RMDN1: variants seen among roughly 807,000 people sequenced by gnomAD.
The protein encoded by RMDN1 is regulator of microtubule dynamics protein 1.
Under a neutral mutation model 48.9 loss-of-function variants are expected in RMDN1, and 48 were observed. That is an observed-to-expected ratio of 0.98 (90% confidence interval 0.78 to 1.25). RMDN1 has a LOEUF of 1.25. RMDN1 is among the 50% of genes most tolerant of loss of function. The probability of loss-of-function intolerance (pLI) is 0.00; values close to 1 mark genes in which losing one functional copy is unlikely to be tolerated. For synonymous variants in RMDN1, 148 were observed against 132.6 expected (o/e 1.12, Z -0.80); for missense variants, 418 against 373.4 (o/e 1.12, Z -0.98).
chr8:86,512,243 G>A (rs1209168656), upstream of RMDN1, among the ~76,000 whole-genome samples: 2 of 152,154 alleles, frequency 1.3e-5, no homozygotes, highest in East Asian at 3.8e-4. Context: ...GGTTAGGTAT[G>A]GATACTATAT....
chr8:86,511,319 A>G (rs1447307059), upstream of RMDN1, among the ~76,000 whole-genome samples: 3 of 151,364 alleles, frequency 2.0e-5, no homozygotes, highest in African/African-American at 7.3e-5. Flanking sequence ...CTAAAAATAC[A>G]AAAAATTAGC....
At position 86,473,705 on chromosome 8, in the gene RMDN1, G is replaced by T; in HGVS notation, c.*603C>A. On this transcript the variant is annotated 3_prime_UTR_variant, in exon 10 of 10. Coordinates refer to ENST00000406452, the MANE Select transcript of RMDN1 (RefSeq NM_016033.3). ...CACTTGAACCCGGGAGGCGGAGGCT[G>T]CAGTGGGCCGAGATTGTGCCACTGC... 1 of 550,648 alleles carries T rather than the reference G, an allele frequency of 1.8e-6. No homozygotes were observed. Among genetic ancestry groups the T allele is most frequent in the Non-Finnish European group, 2.3e-6 (1 of 432,906 alleles). The allele number at this position is 550,648 out of a possible 1,614,324, so 34.1% of individuals were successfully genotyped here.
At chr8:86,489,245 G>A (rs915790295) in intron 2 of RMDN1, among the ~76,000 whole-genome samples, 3 of 152,138 alleles carry the variant, frequency 2.0e-5, no homozygotes, top group East Asian at 1.9e-4. Flanking sequence ...TTTAGATGAA[G>A]CTAACTACAC....
chr8:86,512,389 T>C (rs775907067), upstream of RMDN1, among the ~76,000 whole-genome samples: 4 of 152,238 alleles, frequency 2.6e-5, no homozygotes, highest in Non-Finnish European at 4.4e-5. Context: ...CCCAGTACAC[T>C]TCAGCAACAA....
chr8:86,472,353 G>C lies in RMDN1; in HGVS notation c.*1955C>G, dbSNP rs73273151. Reference sequence around the variant, plus strand: ...CATAACAGGTCACAGTCAAAATGCAGGTGCACAACACAGTTTATTCGGTCT... The same window carrying C: ...CATAACAGGTCACAGTCAAAATGCACGTGCACAACACAGTTTATTCGGTCT... On this transcript the variant is annotated 3_prime_UTR_variant, in exon 10 of 10. Coordinates refer to ENST00000406452, the MANE Select transcript of RMDN1 (RefSeq NM_016033.3). 0.038 allele frequency: 26,063 copies of C among 683,354 alleles called. 893 individuals carry two copies. Among genetic ancestry groups the C allele is most frequent in the African/African-American group, 0.12 (6,704 of 56,560 alleles). The allele number at this position is 683,354 out of a possible 1,614,324, so 42.3% of individuals were successfully genotyped here.
At position 86,502,928 on chromosome 8, in the gene RMDN1, G is replaced by A. The variant is rs1331695626; in HGVS notation, c.247+4067C>T. 5.3e-5 allele frequency among the ~76,000 whole-genome samples: 8 copies of A among 152,160 alleles called. No individual in the cohort carries two copies. The East Asian group carries it at 1.5e-3, about 29-fold the overall frequency. ...TAAGGGCTCTACAAAAATATAAACCGTTAATAAAGCATCACTGAGGCAGCT... is the reference window on the plus strand; with the variant it reads ...TAAGGGCTCTACAAAAATATAAACCATTAATAAAGCATCACTGAGGCAGCT... On this transcript the variant is annotated intron_variant, in intron 2 of 9. Transcript: ENST00000406452.
chr8:86,494,866 T>A, intron 2 of RMDN1: 1 of 375,982 alleles, frequency 2.7e-6, no homozygotes, highest in South Asian at 2.0e-5. Context: ...CCCAGCTACT[T>A]GGGAGGCTGA....
rs377525078 is a variant in RMDN1, at chr8:86,479,011, C to T, written c.642-1G>A. 11 of 1,610,246 alleles carry T rather than the reference C, an allele frequency of 6.8e-6. No individual in the cohort carries two copies. The highest frequency in any genetic ancestry group is 1.7e-5 in the Admixed American group (1 of 59,336). ...AGGCATTTCGGCAAATGTATAGCACCTACAGGGAAATAAAACAATTTTATA... is the reference window on the plus strand; with the variant it reads ...AGGCATTTCGGCAAATGTATAGCACTTACAGGGAAATAAAACAATTTTATA... On this transcript the variant is annotated splice_acceptor_variant, in intron 6 of 9. Transcript: ENST00000406452. LOFTEE classifies it high-confidence loss of function.
At chr8:86,468,367 G>A (rs921131260), downstream of RMDN1, 1 of 453,512 alleles carries the variant, frequency 2.2e-6, no homozygotes, top group Non-Finnish European at 4.4e-6. Context: ...AGATCTGCTT[G>A]GTTGAATAGA....
rs1816717293 is a variant in RMDN1, at chr8:86,492,696, TAATG to T, written c.248-4061_248-4058del. 2.0e-5 allele frequency among the ~76,000 whole-genome samples: 3 copies of T among 149,522 alleles called. No homozygotes were observed. In the South Asian group the frequency reaches 6.3e-4, roughly 31 times the overall value. On this transcript the variant is annotated intron_variant, in intron 2 of 9. Transcript: ENST00000406452. ...AATAATAATAATAATAATAAAGAGA[TAATG>T]AAACGTTCCCACAGGAGTGCTTCAG...
intron 2 of RMDN1, among the ~76,000 whole-genome samples, chr8:86,499,564 C>A (rs1817884322): frequency 6.6e-6 from 1 of 152,126 alleles, no homozygotes; most frequent in Admixed American, 6.6e-5. Flanking sequence ...GAAAAACATT[C>A]CATGCTCATG....
intron 1 of RMDN1, 151 bp from the exon 2 acceptor site, chr8:86,507,263 A>G: frequency 1.7e-6 from 1 of 571,602 alleles, no homozygotes; most frequent in Non-Finnish European, 3.2e-6. Context: ...ATCTTTAGTA[A>G]AACTATCTCA....
chr8:86,473,342 A>G lies in RMDN1; in HGVS notation c.*966T>C, dbSNP rs1812843358. ...GGCACTCCAGCCTCAAGTGAGTAGC[A>G]TAGTCCTGCCTATTTAAAAACATCT... On this transcript the variant is annotated 3_prime_UTR_variant, in exon 10 of 10. Coordinates refer to ENST00000406452, the MANE Select transcript of RMDN1 (RefSeq NM_016033.3). The G allele has an allele frequency of 2.0e-6, 2 of 985,356 alleles. No homozygotes were observed. Among genetic ancestry groups the G allele is most frequent in the South Asian group, 4.7e-5 (1 of 21,296 alleles). The allele number at this position is 985,356 out of a possible 1,614,324, so 61.0% of individuals were successfully genotyped here. A position where few individuals can be genotyped will look rare whatever the true frequency, so the allele number is the denominator to read the frequency against.
At position 86,494,833 on chromosome 8, in the gene RMDN1, G is replaced by A. The variant is rs1817063033; in HGVS notation, c.248-6194C>T. On this transcript the variant is annotated intron_variant, in intron 2 of 9. Coordinates refer to ENST00000406452, the MANE Select transcript of RMDN1 (RefSeq NM_016033.3). Reference sequence around the variant, plus strand: ...TTCTAAAAATACAAAAATTACCTGGGCATCATGGCACATGCCTGTAATCCC... The same window carrying A: ...TTCTAAAAATACAAAAATTACCTGGACATCATGGCACATGCCTGTAATCCC... 3 of 313,886 alleles carry A rather than the reference G, an allele frequency of 9.6e-6. No homozygotes were observed. The Admixed American group carries it at 1.4e-4, about 14-fold the overall frequency. 19.4% of individuals were successfully genotyped at this position (313,886 alleles called of 1,614,324 possible).
upstream of RMDN1, among the ~76,000 whole-genome samples, chr8:86,513,331 C>A (rs1028595730): frequency 6.6e-6 from 1 of 152,086 alleles, no homozygotes. Flanking sequence ...GCTGAGATCG[C>A]GCCATTGCAC....
At chr8:86,493,108 A>T (rs543743712) in intron 2 of RMDN1, among the ~76,000 whole-genome samples, 1 of 151,814 alleles carries the variant, frequency 6.6e-6, no homozygotes, top group South Asian at 2.1e-4. Context: ...TTTCCAGGAT[A>T]AAAAAAAGTG....
downstream of RMDN1, chr8:86,468,489 C>CA (rs543960359): frequency 8.7e-4 from 364 of 420,168 alleles, 4 homozygotes; most frequent in African/African-American, 6.7e-3. Flanking sequence ...AACTGGCCTT[C>CA]AAAAAGGACT....
At chr8:86,509,160 G>A (rs1819898854), upstream of RMDN1, among the ~76,000 whole-genome samples, 2 of 152,204 alleles carry the variant, frequency 1.3e-5, no homozygotes, top group African/African-American at 4.8e-5. Context: ...ACTCAAGGGG[G>A]TAGATTCAAG....
upstream of RMDN1, chr8:86,508,750 C>CTGCACAGCACCTCTTCCGCCTCA: frequency 7.2e-7 from 1 of 1,388,856 alleles, no homozygotes; most frequent in East Asian, 2.8e-5. Context: ...CTTCCGCCTC[C>CTGCACAGCACCTCTTCCGCCTCA]TGCCCAGCAC....
Sources: gnomAD v4.1 joint callset for allele counts (sites outside exome capture counted in the v4.1 genomes callset) on GRCh38, gnomAD v4.1.1 for gene constraint, MANE v1.5 for transcripts, NCBI Gene and HGNC (gene_info 2026-07-23, HGNC 2026-07-21) for gene names.